The following CCDC15 variants were observed in gnomAD, a reference collection of about 807,000 sequenced individuals.
The protein encoded by CCDC15 is coiled-coil domain-containing protein 15.
In CCDC15, 105 loss-of-function variants were observed where a neutral mutation model predicts 114.5. The ratio of observed to expected loss-of-function variants is 0.92; its 90% CI spans 0.78 to 1.08. The LOEUF is 1.08. Ranked by LOEUF, CCDC15 falls within the 50% of genes least tolerant of loss-of-function variation. CCDC15 has a pLI of 0.00. For synonymous variants in CCDC15, 334 were observed against 377.8 expected (o/e 0.88, Z 1.34); for missense variants, 1,105 against 1,093.6 (o/e 1.01, Z -0.15).
At chr11:125,003,708 T>C (rs1948514592) in intron 11 of CCDC15, among the ~76,000 whole-genome samples, 159 bp from the exon 12 acceptor site, 1 of 152,078 alleles carries the variant, frequency 6.6e-6, no homozygotes, top group South Asian at 2.1e-4. Flanking sequence ...CTTCCTTTCA[T>C]TCTTTTTTGA....
At chr11:124,996,315 G>A (rs972778611) in intron 11 of CCDC15, among the ~76,000 whole-genome samples, 5 of 151,898 alleles carry the variant, frequency 3.3e-5, no homozygotes, top group African/African-American at 4.8e-5. Flanking sequence ...ACTTTCATAC[G>A]GAAAATAAAA....
chr11:125,011,236 A>ATT (rs1223910842), intron 13 of CCDC15, among the ~76,000 whole-genome samples: 2 of 133,622 alleles, frequency 1.5e-5, no homozygotes, highest in Admixed American at 7.2e-5. Context: ...TATTATTATT[A>ATT]TTATTATTAT....
intron 13 of CCDC15, among the ~76,000 whole-genome samples, chr11:125,018,227 T>C (rs995440262): frequency 1.1e-4 from 16 of 152,222 alleles, no homozygotes; most frequent in Non-Finnish European, 1.5e-4. Flanking sequence ...TATACTGTAT[T>C]TTTGCTGTAC....
chr11:125,025,928 G>A (rs1029748867), intron 13 of CCDC15, among the ~76,000 whole-genome samples: 1 of 151,798 alleles, frequency 6.6e-6, no homozygotes, highest in African/African-American at 2.4e-5. Context: ...TTCTATTTTT[G>A]TGTTTCTTAT....
chr11:124,960,176 G>A (rs1249198754), intron 4 of CCDC15, among the ~76,000 whole-genome samples, 173 bp downstream of exon 4: 1 of 150,488 alleles, frequency 6.6e-6, no homozygotes, highest in Non-Finnish European at 1.5e-5. Context: ...GGAATAGTGG[G>A]ATAATGCTTT....
At chr11:124,997,103 A>G (rs956655380) in intron 11 of CCDC15, among the ~76,000 whole-genome samples, 1 of 152,156 alleles carries the variant, frequency 6.6e-6, no homozygotes, top group African/African-American at 2.4e-5. Context: ...TGAATATATC[A>G]CAGTTTGTTT....
chr11:124,992,652 C>A lies in CCDC15; in HGVS notation c.2104C>A (p.Pro702Thr). 1 of 1,595,888 alleles carries A rather than the reference C, an allele frequency of 6.3e-7. No individual in the cohort carries two copies. The highest frequency in any genetic ancestry group is 2.2e-5 in the East Asian group (1 of 44,532). ...TCTGGACTATCATCAATATGTTGTA[C>A]CTAAAATCCAGGACCAAGACTCCCC... The part of the protein sequence containing the change: ...LPLDYHQYVV[P>T]KIQDQDSPRE... The change falls in exon 10 of 16, where the codon CCT (proline) becomes ACT (threonine). Residue 702 changes from proline (P) to threonine (T), a missense_variant. By Grantham distance (38) the Pro-to-Thr change is conservative (BLOSUM62 -1). Transcript: ENST00000344762.
At chr11:124,965,989 C>T (rs1468504646) in intron 4 of CCDC15, among the ~76,000 whole-genome samples, 1 of 152,160 alleles carries the variant, frequency 6.6e-6, no homozygotes, top group Admixed American at 6.5e-5. Flanking sequence ...AATTTGATTG[C>T]ACTGTCATCT....
At chr11:124,969,192 A>G (rs924550864) in intron 4 of CCDC15, among the ~76,000 whole-genome samples, 3 of 152,184 alleles carry the variant, frequency 2.0e-5, no homozygotes, top group Non-Finnish European at 2.9e-5. Flanking sequence ...TTTGGCCACT[A>G]GTGCTCTTAA....
chr11:124,987,078 T>G lies in CCDC15; in HGVS notation c.901-49T>G, dbSNP rs147496893. On this transcript the variant is annotated intron_variant, in intron 7 of 15. Transcript: ENST00000344762. ...TTCGATTATTTTGGAAAATCTAGAGTATTGCTACTAACTCACATTCTGTAT... is the reference window on the plus strand; with the variant it reads ...TTCGATTATTTTGGAAAATCTAGAGGATTGCTACTAACTCACATTCTGTAT... The G allele has an allele frequency of 6.6e-5, 94 of 1,432,150 alleles. No individual in the cohort carries two copies. In the African/African-American group the frequency reaches 1.3e-3, roughly 19 times the overall value. The allele number at this position is 1,432,150 out of a possible 1,614,324, so 88.7% of individuals were successfully genotyped here. A position where few individuals can be genotyped will look rare whatever the true frequency, so the allele number is the denominator to read the frequency against.
At chr11:124,991,233 A>G (rs1373544019) in intron 8 of CCDC15, among the ~76,000 whole-genome samples, 1 of 152,242 alleles carries the variant, frequency 6.6e-6, no homozygotes, top group Non-Finnish European at 1.5e-5. Context: ...GAAAAATGAC[A>G]GAGACCAACA....
intron 13 of CCDC15, among the ~76,000 whole-genome samples, chr11:125,007,021 G>A (rs149932871): frequency 1.3e-5 from 2 of 152,300 alleles, no homozygotes; most frequent in Non-Finnish European, 2.9e-5. Context: ...ATGATCAAAT[G>A]TATGATGTGT....
chr11:124,955,100 TAATC>T (rs1422836807), intron 2 of CCDC15, among the ~76,000 whole-genome samples, 191 bp downstream of exon 2: 5 of 152,246 alleles, frequency 3.3e-5, no homozygotes, highest in Admixed American at 6.5e-5. Flanking sequence ...TTAGTTGGCA[TAATC>T]AAATATTTAT....
At chr11:125,022,890 T>C (rs1315884145) in intron 13 of CCDC15, among the ~76,000 whole-genome samples, 1 of 152,004 alleles carries the variant, frequency 6.6e-6, no homozygotes, top group Non-Finnish European at 1.5e-5. Context: ...TAACAAAAGT[T>C]CTTTACATAC....
intron 11 of CCDC15, among the ~76,000 whole-genome samples, chr11:124,994,682 G>C (rs991227948): frequency 6.6e-6 from 1 of 152,000 alleles, no homozygotes; most frequent in African/African-American, 2.4e-5. Flanking sequence ...AACTAATCAG[G>C]TTTGGGCTGG....
At position 124,954,781 on chromosome 11, in the gene CCDC15, C is replaced by T; in HGVS notation, c.49C>T (p.Pro17Ser). Residue 17 changes from proline (P) to serine (S), a missense_variant, in exon 2 of 16, where the codon CCC (proline) becomes TCC (serine). Transcript: ENST00000344762. ...RKKPRNTSRL[P>S]LALNPLKSKD... ...GAAACCTCGAAATACCTCAAGGTTG[C>T]CCCTGGCTTTAAACCCCCTGAAGAG... 1.2e-6 allele frequency: 2 copies of T among 1,613,954 alleles called. No individual in the cohort carries two copies. The highest frequency in any genetic ancestry group is 1.1e-5 in the South Asian group (1 of 91,074).
At chr11:125,001,442 T>A (rs1948481226) in intron 11 of CCDC15, among the ~76,000 whole-genome samples, 1 of 152,236 alleles carries the variant, frequency 6.6e-6, no homozygotes, top group Non-Finnish European at 1.5e-5. Flanking sequence ...GTATACAGTA[T>A]TTTTAGTATT....
intron 13 of CCDC15, among the ~76,000 whole-genome samples, chr11:125,034,517 G>C (rs1190052698): frequency 6.6e-6 from 1 of 152,164 alleles, no homozygotes; most frequent in African/African-American, 2.4e-5. Context: ...TCTGAAGCCA[G>C]GAGTTAGCAT....
Position 124,975,131 on chromosome 11 carries a change from A to G in CCDC15, c.552A>G (p.Leu184=). Residue 184 remains leucine, a synonymous_variant, in exon 5 of 16, where the codon CTA becomes CTG. Transcript: ENST00000344762. ...CTATGAAACAGGCACGTCACCGGCTAGCATCCTTTAAAACCGTGATTAAAA... is the reference window on the plus strand; with the variant it reads ...CTATGAAACAGGCACGTCACCGGCTGGCATCCTTTAAAACCGTGATTAAAA... ...SETMKQARHR[L]ASFKTVIKKK... is the part of the protein sequence containing the mutation. The G allele has an allele frequency of 1.3e-6, 2 of 1,598,458 alleles. No homozygotes were observed. The highest frequency in any genetic ancestry group is 2.3e-5 in the East Asian group (1 of 43,268).
Sources: allele counts gnomAD v4.1 joint callset (sites outside exome capture counted in the v4.1 genomes callset), GRCh38; gene constraint gnomAD v4.1.1; transcripts MANE v1.5; gene names NCBI Gene and HGNC (gene_info 2026-07-23, HGNC 2026-07-21).